The following SHROOM4 variants were observed in gnomAD, a reference collection of about 807,000 sequenced individuals.
The protein encoded by SHROOM4 is protein Shroom4.
In SHROOM4, 17 loss-of-function variants were observed where a neutral mutation model predicts 80.3. The ratio of observed to expected loss-of-function variants is 0.21; its 90% confidence interval spans 0.14 to 0.32. The LOEUF is 0.32. Ranked by LOEUF, SHROOM4 falls within the 10% of genes least tolerant of loss-of-function variation. The probability of loss-of-function intolerance (pLI) is 1.00; values close to 1 mark genes in which losing one functional copy is unlikely to be tolerated. For synonymous variants in SHROOM4, 400 were observed against 437.5 expected (o/e 0.91, Z 1.07); for missense variants, 993 against 1,140.3 (o/e 0.87, Z 1.86).
chrX:50,658,410 A>C (rs1364123638), intron 2 of SHROOM4, among the ~76,000 whole-genome samples: 1 of 111,089 alleles, frequency 9.0e-6, no homozygotes, highest in Non-Finnish European at 1.9e-5. Context: ...TATAATTCTC[A>C]AATCTGCCCC....
rs1217867502 is a variant in SHROOM4 at position 50,687,267 on chromosome X, C to CTTTTTTTTTTTTTTTT, written c.269+8503_269+8518dup. The stretch of plus-strand genomic sequence containing the variant: ...CTATTCAACTTTGCCATTTTGGTGT[C>CTTTTTTTTTTTTTTTT]TTTTTTTTTTTTTTTTAAAAACAGC... On this transcript the variant is annotated intron_variant, in intron 2 of 8. Coordinates refer to ENST00000376020, the MANE Select transcript of SHROOM4 (RefSeq NM_020717.5). 21 of 88,810 alleles carry CTTTTTTTTTTTTTTTT rather than the reference C, an allele frequency of 2.4e-4. 1 individual carries two copies. Among genetic ancestry groups the CTTTTTTTTTTTTTTTT allele is most frequent in the African/African-American group, 9.5e-4 (21 of 22,088 alleles). The allele number at this position is 88,810 out of a possible 1,213,427, so 7.3% of individuals were successfully genotyped here. A position where few individuals can be genotyped will look rare whatever the true frequency, so the allele number is the denominator to read the frequency against.
At chrX:50,658,003 G>A (rs781791843) in intron 2 of SHROOM4, among the ~76,000 whole-genome samples, 8 of 111,452 alleles carry the variant, frequency 7.2e-5, no homozygotes, top group Non-Finnish European at 1.5e-4. Context: ...GGAAGAGTTT[G>A]CCTCTTTTGC....
At chrX:50,646,376 G>A (rs1557257905) in intron 2 of SHROOM4, among the ~76,000 whole-genome samples, 1 of 110,480 alleles carries the variant, frequency 9.1e-6, no homozygotes, top group African/African-American at 3.3e-5. Context: ...TGCATGGCTT[G>A]TTTATTTGAC....
intron 2 of SHROOM4, among the ~76,000 whole-genome samples, chrX:50,650,919 A>T (rs781971914): frequency 8.9e-6 from 1 of 111,909 alleles, no homozygotes; most frequent in Non-Finnish European, 1.9e-5. Flanking sequence ...TTTTTTAAAA[A>T]TTCCATCTGA....
chrX:50,600,030 C>T (rs782297086), intron 7 of SHROOM4, among the ~76,000 whole-genome samples: 2 of 111,002 alleles, frequency 1.8e-5, no homozygotes, highest in Non-Finnish European at 3.8e-5. Context: ...ATCTGGATTC[C>T]AATTCCACCT....
At position 50,634,555 on chromosome X, in the gene SHROOM4, T is replaced by C. The variant is rs1557255234; in HGVS notation, c.1518A>G (p.Glu506=). The part of the protein sequence containing the change: ...PHGEADGHPS[E]KGFLDPNRTS... Reference sequence around the variant, plus strand: ...TTCTGTTTGGGTCCAGGAAACCTTTTTCTGAGGGGTGTCCATCAGCCTCTC... The same window carrying C: ...TTCTGTTTGGGTCCAGGAAACCTTTCTCTGAGGGGTGTCCATCAGCCTCTC... The change falls in exon 4 of 9, where the codon GAA becomes GAG. Residue 506 remains glutamate, a synonymous_variant. Transcript: ENST00000376020. 5 of 1,211,687 alleles carry C rather than the reference T, an allele frequency of 4.1e-6. No individual in the cohort carries two copies. The Admixed American group carries it at 6.5e-5, about 16-fold the overall frequency.
chrX:50,610,415 C>A (rs1557249609), intron 5 of SHROOM4, among the ~76,000 whole-genome samples: 3 of 108,338 alleles, frequency 2.8e-5, no homozygotes, highest in Non-Finnish European at 5.7e-5. Flanking sequence ...AAAAAAATGA[C>A]AAACGTGTAC....
At chrX:50,617,078 G>A (rs1688214130) in intron 5 of SHROOM4, among the ~76,000 whole-genome samples, 1 of 111,920 alleles carries the variant, frequency 8.9e-6, no homozygotes, top group African/African-American at 3.3e-5. Context: ...GCACAGGACA[G>A]GCAATTGAGC....
At chrX:50,756,870 T>C (rs1404421101) in intron 1 of SHROOM4, among the ~76,000 whole-genome samples, 2 of 112,205 alleles carry the variant, frequency 1.8e-5, no homozygotes, top group East Asian at 5.6e-4. Flanking sequence ...AGAGGCTTTA[T>C]ATTTTCTGAA....
chrX:50,598,744 C>T (rs1196865423), intron 7 of SHROOM4, among the ~76,000 whole-genome samples: 1 of 111,918 alleles, frequency 8.9e-6, no homozygotes, highest in African/African-American at 3.3e-5. Flanking sequence ...CTCCATGTCA[C>T]CACCAAACTT....
the SHROOM4 span, among the ~76,000 whole-genome samples, chrX:50,579,507 G>A: frequency 1.9e-4 from 21 of 111,801 alleles, no homozygotes; most frequent in African/African-American, 6.8e-4. Context: ...TAATTTATGG[G>A]GAATGAAAAA....
chrX:50,630,187 TG>T (rs1237747723), intron 4 of SHROOM4, among the ~76,000 whole-genome samples: 2 of 111,066 alleles, frequency 1.8e-5, no homozygotes, highest in African/African-American at 3.3e-5. Context: ...ATAGAGCTGC[TG>T]GTCCTGGGCT....
rs782569576 is a variant in SHROOM4 at position 50,595,624 on chromosome X, G to A, written c.*1071C>T. ...CCAGGCCACAGTAGGGAGGCTCTGAGTTCAAGGGGAAAACTCCTTCCTAGA... is the reference window on the plus strand; with the variant it reads ...CCAGGCCACAGTAGGGAGGCTCTGAATTCAAGGGGAAAACTCCTTCCTAGA... On this transcript the variant is annotated 3_prime_UTR_variant, in exon 9 of 9. Coordinates refer to ENST00000376020, the MANE Select transcript of SHROOM4 (RefSeq NM_020717.5). The A allele has an allele frequency of 2.0e-5, 5 of 249,765 alleles. No homozygotes were observed. Among genetic ancestry groups the A allele is most frequent in the South Asian group, 4.2e-5 (1 of 23,966 alleles). The allele number at this position is 249,765 out of a possible 1,213,427, so 20.6% of individuals were successfully genotyped here.
chrX:50,619,473 G>C (rs1930483872), intron 5 of SHROOM4, among the ~76,000 whole-genome samples: 1 of 100,325 alleles, frequency 1.0e-5, no homozygotes, highest in African/African-American at 3.8e-5. Flanking sequence ...GACCCAGAGA[G>C]CCTGTTGCTG....
rs1181684648 is a variant in SHROOM4 at position 50,588,439 on chromosome X, A to G, written c.*8256T>C. ...TTAACTCAATAATTCCTCACAACAC[A>G]AGGATGTATTTTTGTTTCCACCATT... On this transcript the variant is annotated 3_prime_UTR_variant, in exon 9 of 9. Transcript: ENST00000376020. 8.9e-6 allele frequency among the ~76,000 whole-genome samples: 1 copy of G among 112,015 alleles called. No individual in the cohort carries two copies. Among genetic ancestry groups the G allele is most frequent in the Admixed American group, 9.5e-5 (1 of 10,576 alleles).
intron 1 of SHROOM4, among the ~76,000 whole-genome samples, chrX:50,703,912 T>C (rs1933585368): frequency 1.8e-5 from 2 of 112,119 alleles, no homozygotes; most frequent in African/African-American, 6.5e-5. Context: ...CTTTCAGTGA[T>C]ACAAATGATC....
At chrX:50,683,012 T>C (rs782128397) in intron 2 of SHROOM4, among the ~76,000 whole-genome samples, 28 of 111,402 alleles carry the variant, frequency 2.5e-4, no homozygotes, top group Admixed American at 3.8e-4. Flanking sequence ...CCAGCCTACA[T>C]CTTTCTGCCA....
At chrX:50,665,823 C>T (rs1353482932) in intron 2 of SHROOM4, among the ~76,000 whole-genome samples, 5 of 111,583 alleles carry the variant, frequency 4.5e-5, no homozygotes, top group Non-Finnish European at 7.5e-5. Flanking sequence ...CTAACATTTA[C>T]GGAGTGTCTA....
intron 1 of SHROOM4, among the ~76,000 whole-genome samples, chrX:50,810,657 C>A (rs1260450561): frequency 8.9e-6 from 1 of 111,935 alleles, no homozygotes; most frequent in African/African-American, 3.3e-5. Flanking sequence ...TACAGGCTGG[C>A]ATGGAAAGGG....
Sources: allele counts gnomAD v4.1 joint callset (sites outside exome capture counted in the v4.1 genomes callset), GRCh38; gene constraint gnomAD v4.1.1; transcripts MANE v1.5; gene names NCBI Gene and HGNC (gene_info 2026-07-23, HGNC 2026-07-21).